SIPA1L3: variants seen among roughly 807,000 people sequenced by gnomAD.
The protein encoded by SIPA1L3 is signal-induced proliferation-associated 1-like protein 3.
A neutral mutation model predicts 150.1 loss-of-function variants in SIPA1L3; 59 were observed. The ratio of observed to expected loss-of-function variants is 0.39; its 90% CI spans 0.32 to 0.49. The LOEUF is 0.49. Ranked by LOEUF, SIPA1L3 falls within the 20% of genes least tolerant of loss-of-function variation. SIPA1L3 has a pLI of 0.86. For missense variants in SIPA1L3, 2,211 were observed against 2,489.5 expected, an observed-to-expected ratio of 0.89 and a Z score of 2.38; for synonymous variants, 1,070 against 1,077.6, an observed-to-expected ratio of 0.99 and a Z score of 0.14.
At chr19:38,135,467 C>T (rs1429175895) in intron 10 of SIPA1L3, among the ~76,000 whole-genome samples, 1 of 152,210 alleles carries the variant, frequency 6.6e-6, no homozygotes, top group South Asian at 2.1e-4. Context: ...CTGGTGGCTA[C>T]GCTCCTCGAG....
chr19:38,050,397 A>G (rs573806669), intron 2 of SIPA1L3, among the ~76,000 whole-genome samples: 7 of 57,336 alleles, frequency 1.2e-4, no homozygotes, highest in Non-Finnish European at 1.9e-4. Context: ...CAAAGGTTGA[A>G]GTGAGCCAAG....
intron 1 of SIPA1L3, among the ~76,000 whole-genome samples, chr19:38,027,372 C>G (rs773250176): frequency 2.6e-5 from 4 of 152,098 alleles, no homozygotes; most frequent in Non-Finnish European, 4.4e-5. Context: ...AGGTTAAGAA[C>G]CCCCTTGGGC....
intron 9 of SIPA1L3, among the ~76,000 whole-genome samples, chr19:38,125,289 G>A (rs1971146865): frequency 6.6e-6 from 1 of 152,114 alleles, no homozygotes; most frequent in Admixed American, 6.6e-5. Flanking sequence ...ACCCTCCCTG[G>A]CCTCCCAAAG....
At chr19:38,060,972 G>A (rs765333965) in intron 2 of SIPA1L3, among the ~76,000 whole-genome samples, 3 of 152,232 alleles carry the variant, frequency 2.0e-5, no homozygotes, top group Admixed American at 1.3e-4. Flanking sequence ...GATTACAGGC[G>A]TGAGCCACCT....
At chr19:38,190,165 G>A (rs1359824656) in intron 16 of SIPA1L3, among the ~76,000 whole-genome samples, 1 of 152,200 alleles carries the variant, frequency 6.6e-6, no homozygotes, top group Non-Finnish European at 1.5e-5. Context: ...GTCTTGGCAC[G>A]CCCCTCTCGA....
intron 1 of SIPA1L3, among the ~76,000 whole-genome samples, chr19:37,981,505 G>T (rs1318341587): frequency 2.6e-5 from 4 of 151,944 alleles, no homozygotes; most frequent in Non-Finnish European, 4.4e-5. Context: ...TGTTGAGCAG[G>T]TTACTTAACC....
At chr19:37,979,138 C>A (rs947760021) in intron 1 of SIPA1L3, among the ~76,000 whole-genome samples, 1 of 152,032 alleles carries the variant, frequency 6.6e-6, no homozygotes, top group Non-Finnish European at 1.5e-5. Context: ...CTGTAGCCTG[C>A]GGGCGAGATC....
At position 38,195,793 on chromosome 19, in the gene SIPA1L3, T is replaced by TCCCCCCCC. The variant is rs528922318; in HGVS notation, c.4840+2014_4840+2021dup. Reference sequence around the variant, plus strand: ...GAGTCAGGCACCACCACAGGCCCCGTCCCCCCCCGCCCCCCCGGGTTTCTC... The same window carrying TCCCCCCCC: ...GAGTCAGGCACCACCACAGGCCCCGTCCCCCCCCCCCCCCCCGCCCCCCCGGGTTTCTC... On this transcript the variant is annotated intron_variant, in intron 18 of 21. Transcript: ENST00000222345. 1.5e-4 allele frequency among the ~76,000 whole-genome samples: 3 copies of TCCCCCCCC among 20,026 alleles called. 1 individual carries two copies. The highest frequency in any genetic ancestry group is 3.0e-4 in the African/African-American group (1 of 3,356). The allele number at this position is 20,026 out of a possible 152,430, so 13.1% of individuals were successfully genotyped here. A position where few individuals can be genotyped will look rare whatever the true frequency, so the allele number is the denominator to read the frequency against.
At chr19:37,971,019 A>G (rs1632177) in intron 1 of SIPA1L3, among the ~76,000 whole-genome samples, 126,101 of 152,092 alleles carry the variant, frequency 0.83, 52,819 homozygotes, top group African/African-American at 0.94. Context: ...GTAAGAGGAG[A>G]GGTTATACCT....
intron 1 of SIPA1L3, among the ~76,000 whole-genome samples, chr19:37,932,873 G>A (rs1284351723): frequency 6.6e-6 from 1 of 151,922 alleles, no homozygotes; most frequent in African/African-American, 2.4e-5. Context: ...TTGACGGACT[G>A]AGAAAAATGG....
rs532006147 is a variant in SIPA1L3 at position 38,135,271 on chromosome 19, T to C, written c.3143+4499T>C. Among the ~76,000 whole-genome samples, 10 of 152,206 alleles carry C rather than the reference T, an allele frequency of 6.6e-5. No homozygotes were observed. In the East Asian group the frequency reaches 1.9e-3, roughly 29 times the overall value. On this transcript the variant is annotated intron_variant, in intron 10 of 21. Coordinates refer to ENST00000222345, the MANE Select transcript of SIPA1L3 (RefSeq NM_015073.3). ...CAGGCCTAAACCCTGAACCTGAGGG[T>C]GTGGCCACCCCTACCCACATCCCAG...
intron 1 of SIPA1L3, among the ~76,000 whole-genome samples, chr19:38,024,744 T>C (rs1968462191): frequency 6.6e-6 from 1 of 152,142 alleles, no homozygotes; most frequent in African/African-American, 2.4e-5. Context: ...TGACATAGTT[T>C]TGTTTCGTCA....
chr19:38,014,326 G>A (rs931571893), intron 1 of SIPA1L3, among the ~76,000 whole-genome samples: 25 of 152,268 alleles, frequency 1.6e-4, no homozygotes, highest in African/African-American at 5.5e-4. Context: ...TGAACTAAGC[G>A]GAGTTTGGTG....
intron 1 of SIPA1L3, among the ~76,000 whole-genome samples, chr19:38,014,636 T>C (rs1968188066): frequency 6.8e-6 from 1 of 147,490 alleles, no homozygotes; most frequent in Non-Finnish European, 1.5e-5. Context: ...CACTTCAGCT[T>C]CAACCTCCTG....
In SIPA1L3 at chr19:38,082,294, G is replaced by C; in HGVS notation, c.729G>C (p.Arg243=). 2 of 1,599,632 alleles carry C rather than the reference G, an allele frequency of 1.3e-6. No homozygotes were observed. The highest frequency in any genetic ancestry group is 1.7e-6 in the Non-Finnish European group (2 of 1,179,408). ...GCCAGGCCCTCACCGAGCTCCTCCG[G>C]GCAGATCCTGGCCCACACCTCATGG... ...RGCQALTELL[R]ADPGPHLMGG... Residue 243 remains arginine (R), a synonymous_variant, in exon 3 of 22, where the codon CGG becomes CGC. Coordinates refer to ENST00000222345, the MANE Select transcript of SIPA1L3 (RefSeq NM_015073.3).
intron 1 of SIPA1L3, among the ~76,000 whole-genome samples, chr19:37,913,283 T>G (rs889807339): frequency 9.8e-5 from 15 of 152,298 alleles, no homozygotes; most frequent in Middle Eastern, 3.4e-3. Context: ...GAGACCCTGC[T>G]GTGAGCCAGG....
intron 1 of SIPA1L3, among the ~76,000 whole-genome samples, chr19:37,974,513 CAAAAAA>C (rs11359136): frequency 7.6e-6 from 1 of 131,526 alleles, no homozygotes; most frequent in Non-Finnish European, 1.7e-5. Context: ...GACCGTGTCT[CAAAAAA>C]AAAAAAAAAA....
intron 1 of SIPA1L3, among the ~76,000 whole-genome samples, chr19:37,934,888 G>T (rs2046586996): frequency 6.6e-6 from 1 of 152,132 alleles, no homozygotes; most frequent in Admixed American, 6.6e-5. Context: ...TCTTTTTAGT[G>T]GCTGCGTAAC....
chr19:37,944,724 G>A (rs1383701856), intron 1 of SIPA1L3, among the ~76,000 whole-genome samples: 1 of 152,070 alleles, frequency 6.6e-6, no homozygotes, highest in Non-Finnish European at 1.5e-5. Flanking sequence ...GCTGAGGCGG[G>A]CAGATCACTT....
Sources: gnomAD v4.1 joint callset for allele counts (sites outside exome capture counted in the v4.1 genomes callset) on GRCh38, gnomAD v4.1.1 for gene constraint, MANE v1.5 for transcripts, NCBI Gene and HGNC (gene_info 2026-07-23, HGNC 2026-07-21) for gene names.